Variants in CDON observed in about 807,000 individuals in gnomAD.
CDON encodes cell adhesion molecule-related/down-regulated by oncogenes.
A neutral mutation model predicts 120.9 loss-of-function variants in CDON; 73 were observed. The ratio of observed to expected loss-of-function variants is 0.60; its 90% CI spans 0.50 to 0.73. CDON has a LOEUF of 0.73. Among genes scored for constraint, CDON ranks in the 30% least tolerant of loss-of-function variants. CDON has a pLI of 0.00. For synonymous variants in CDON, 566 were observed against 573.5 expected, an observed-to-expected ratio of 0.99 and a Z score of 0.19; for missense variants, 1,470 against 1,587.3, an observed-to-expected ratio of 0.93 and a Z score of 1.26.
rs374493187 is a variant in CDON, at chr11:125,961,676, C to T, written c.3631+48G>A. On this transcript the variant is annotated intron_variant, in intron 19 of 19. Transcript: ENST00000531738. ...TCACCTTCCCATACACAGCTCTTAG[C>T]TAACTGAAGATGATCTGGAATCCTA... 101 of 1,613,012 alleles carry T rather than the reference C, an allele frequency of 6.3e-5. 1 individual carries two copies. Among genetic ancestry groups the T allele is most frequent in the Middle Eastern group, 4.9e-4 (3 of 6,084 alleles).
chr11:126,028,085 C>T (rs1947844571), intron 1 of CDON, among the ~76,000 whole-genome samples: 2 of 148,986 alleles, frequency 1.3e-5, no homozygotes, highest in South Asian at 4.2e-4. Flanking sequence ...AAGTTTTCTT[C>T]GCATATTTTA....
chr11:126,023,407 TCACAGAAGAG>T lies in CDON; in HGVS notation c.60_69del (p.Cys20Ter). On this transcript the variant is annotated frameshift_variant, in exon 2 of 20. Transcript: ENST00000531738. LOFTEE classifies it high-confidence loss of function. ...TCCCCAATTCTACTCTTACCTGAACTCACAGAAGAGCACAGAATTGTAAGAGTAACATACA... is the reference window on the plus strand; with the variant it reads ...TCCCCAATTCTACTCTTACCTGAACTCACAGAATTGTAAGAGTAACATACA... 6.2e-7 allele frequency: 1 copy of T among 1,604,994 alleles called. No individual in the cohort carries two copies. The highest frequency in any genetic ancestry group is 1.1e-5 in the South Asian group (1 of 90,886).
At chr11:126,002,055 TTAAAA>T (rs1164897201) in intron 10 of CDON, among the ~76,000 whole-genome samples, 1 of 140,492 alleles carries the variant, frequency 7.1e-6, no homozygotes, top group African/African-American at 2.5e-5. Flanking sequence ...TCTAGTATCT[TTAAAA>T]TAAAGCTAAA....
chr11:126,018,870 C>T (rs1037943282), intron 4 of CDON, among the ~76,000 whole-genome samples: 6 of 152,112 alleles, frequency 3.9e-5, no homozygotes, highest in South Asian at 2.1e-4. Flanking sequence ...GGCCAGCCTG[C>T]GTTACATTTA....
chr11:126,060,556 GA>G (rs3037714), intron 1 of CDON, among the ~76,000 whole-genome samples: 309 of 148,922 alleles, frequency 2.1e-3, no homozygotes, highest in East Asian at 0.013. Context: ...AACGTTCGTG[GA>G]AAAAAAAAAA....
chr11:125,993,150 G>A (rs112445403), intron 14 of CDON, among the ~76,000 whole-genome samples: 15 of 152,242 alleles, frequency 9.9e-5, no homozygotes, highest in African/African-American at 2.6e-4. Flanking sequence ...GGTAGCTATC[G>A]TGTTGCTTCT....
intron 8 of CDON, 48 bp from the exon 9 acceptor site, chr11:126,006,105 T>C (rs1334232651): frequency 1.9e-6 from 3 of 1,571,018 alleles, no homozygotes; most frequent in Middle Eastern, 1.7e-4. Context: ...CCTCATTTCA[T>C]TGTCTTCTAC....
chr11:125,971,398 A>T (rs909365654), intron 18 of CDON, among the ~76,000 whole-genome samples: 10 of 147,096 alleles, frequency 6.8e-5, no homozygotes, highest in African/African-American at 2.7e-4. Flanking sequence ...AAATAAATAA[A>T]TAAATAAATA....
intron 3 of CDON, among the ~76,000 whole-genome samples, 197 bp from the exon 4 acceptor site, chr11:126,019,962 G>A (rs879542701): frequency 4.6e-5 from 7 of 151,772 alleles, no homozygotes; most frequent in Admixed American, 2.6e-4. Context: ...TGGGAGGATC[G>A]CTTGAGCCCA....
intron 7 of CDON, among the ~76,000 whole-genome samples, chr11:126,014,590 C>T (rs779908428): frequency 1.1e-3 from 162 of 152,104 alleles, no homozygotes; most frequent in African/African-American, 3.6e-3. Flanking sequence ...CTCACACAGG[C>T]GCAAAATAAT....
intron 1 of CDON, among the ~76,000 whole-genome samples, chr11:126,048,167 C>T (rs1033248709): frequency 1.3e-5 from 2 of 151,140 alleles, no homozygotes; most frequent in African/African-American, 4.9e-5. Flanking sequence ...GTCCCAGCTA[C>T]TCTAATTGGG....
intron 1 of CDON, among the ~76,000 whole-genome samples, chr11:126,059,170 G>A (rs1052372256): frequency 6.6e-6 from 1 of 152,192 alleles, no homozygotes; most frequent in African/African-American, 2.4e-5. Flanking sequence ...AGCCTTTACA[G>A]GCAAGACCAA....
At chr11:126,053,756 C>T (rs953748500) in intron 1 of CDON, among the ~76,000 whole-genome samples, 1 of 152,152 alleles carries the variant, frequency 6.6e-6, no homozygotes, top group Non-Finnish European at 1.5e-5. Context: ...CACTCTCATA[C>T]TCTCATAGTC....
rs35828939 is a variant in CDON, at chr11:125,973,018, C to CTTTTT, written c.3356+5281_3356+5285dup. On this transcript the variant is annotated intron_variant, in intron 18 of 19. Coordinates refer to ENST00000531738, the MANE Select transcript of CDON (RefSeq NM_001378964.1). The stretch of plus-strand genomic sequence containing the variant: ...TGGCCTCTTCAACCAATTACTTGGT[C>CTTTTT]TTTTTTTTTTTTTTTTTTTTTTTTA... Among the ~76,000 whole-genome samples, 233 of 87,022 alleles carry CTTTTT rather than the reference C, an allele frequency of 2.7e-3. 8 individuals are homozygous for CTTTTT. The highest frequency in any genetic ancestry group is 6.5e-3 in the African/African-American group (161 of 24,594). The allele number at this position is 87,022 out of a possible 152,430, so 57.1% of individuals were successfully genotyped here.
In CDON at chr11:125,993,858, A is replaced by G. The variant is rs146344697; in HGVS notation, c.2650+426T>C. ...TTTAGCTGTTTTCTTTCTTTTCTACATGCATTCCAATTTCTCAGCATCTCT... is the reference window on the plus strand; with the variant it reads ...TTTAGCTGTTTTCTTTCTTTTCTACGTGCATTCCAATTTCTCAGCATCTCT... On this transcript the variant is annotated intron_variant, in intron 14 of 19. Transcript: ENST00000531738. Among the ~76,000 whole-genome samples, 293 of 152,318 alleles carry G rather than the reference A, an allele frequency of 1.9e-3. 2 individuals are homozygous for G. Among genetic ancestry groups the G allele is most frequent in the African/African-American group, 5.9e-3 (247 of 41,564 alleles).
rs1197944198 is a variant in CDON, at chr11:126,005,867, G to A, written c.1743C>T (p.Ile581=). 1 of 1,614,050 alleles carries A rather than the reference G, an allele frequency of 6.2e-7. No individual in the cohort carries two copies. Among genetic ancestry groups the A allele is most frequent in the South Asian group, 1.1e-5 (1 of 91,082 alleles). ...ASGISVPDAP[I]ILSPPQTHTP... ...TGTGGGTCTGTGGGGGGCTCAGTATGATGGGGGCATCAGGAACAGAGATGC... is the reference window on the plus strand; with the variant it reads ...TGTGGGTCTGTGGGGGGCTCAGTATAATGGGGGCATCAGGAACAGAGATGC... The change falls in exon 9 of 20, where the codon ATC becomes ATT. Residue 581 remains isoleucine, a synonymous_variant. Coordinates refer to ENST00000531738, the MANE Select transcript of CDON (RefSeq NM_001378964.1).
chr11:125,966,137 CA>C (rs35651493), intron 18 of CDON, among the ~76,000 whole-genome samples: 11,689 of 120,280 alleles, frequency 0.097, 513 homozygotes, highest in Admixed American at 0.16. Flanking sequence ...AATTCCATCT[CA>C]AAAAAAAAAA....
In CDON at chr11:125,959,074, T is replaced by A. The variant is rs934733464; in HGVS notation, c.*1868A>T. Reference sequence around the variant, plus strand: ...GGACATCTGGAATGTAGAACTTGGGTCTACAGCATCCCTAATATCCGACTA... The same window carrying A: ...GGACATCTGGAATGTAGAACTTGGGACTACAGCATCCCTAATATCCGACTA... On this transcript the variant is annotated 3_prime_UTR_variant, in exon 20 of 20. Transcript: ENST00000531738. 3.3e-5 allele frequency: 5 copies of A among 152,178 alleles called. No homozygotes were observed. Among genetic ancestry groups the A allele is most frequent in the Non-Finnish European group, 5.9e-5 (4 of 68,032 alleles). 9.4% of individuals were successfully genotyped at this position (152,178 alleles called of 1,614,324 possible). A position where few individuals can be genotyped will look rare whatever the true frequency, so the allele number is the denominator to read the frequency against.
In CDON at chr11:125,961,919, C is replaced by T. The variant is rs766480222; in HGVS notation, c.3436G>A (p.Gly1146Ser). 1.9e-6 allele frequency: 3 copies of T among 1,614,210 alleles called. No homozygotes were observed. The Admixed American group carries it at 5.0e-5, about 27-fold the overall frequency. ...TGACTGAGGGGCTTCATTTCCAAACCATCCTGAGGATAAGGTGCTACCACA... is the reference window on the plus strand; with the variant it reads ...TGACTGAGGGGCTTCATTTCCAAACTATCCTGAGGATAAGGTGCTACCACA... ...VPVVAPYPQD[G>S]LEMKPLSHVK... is the part of the protein sequence containing the mutation. Residue 1146 changes from glycine (G) to serine (S), a missense_variant, in exon 19 of 20, where the codon GGT (glycine) becomes AGT (serine). By Grantham distance (56) the Gly-to-Ser change is moderately conservative (BLOSUM62 0). Transcript: ENST00000531738.
Sources: gnomAD v4.1 joint callset for allele counts (sites outside exome capture counted in the v4.1 genomes callset) on GRCh38, gnomAD v4.1.1 for gene constraint, MANE v1.5 for transcripts, NCBI Gene and HGNC (gene_info 2026-07-23, HGNC 2026-07-21) for gene names.